The following CYS1 variants were observed in gnomAD, a reference collection of about 807,000 sequenced individuals.
The protein encoded by CYS1 is cystin 1.
In CYS1, 5 loss-of-function variants were observed where a neutral mutation model predicts 9.6. That is an observed-to-expected ratio of 0.52 (90% CI 0.27 to 1.10). CYS1 has a LOEUF of 1.10. Among genes scored for constraint, CYS1 ranks in the 50% least tolerant of loss-of-function variants. CYS1 has a pLI of 0.11. For synonymous variants in CYS1, 88 were observed against 95.7 expected, an observed-to-expected ratio of 0.92 and a Z score of 0.47; for missense variants, 221 against 207.9, an observed-to-expected ratio of 1.06 and a Z score of -0.39.
rs890520087 is a variant in CYS1, at chr2:10,058,566, G to C, written c.*287C>G. On this transcript the variant is annotated 3_prime_UTR_variant, in exon 3 of 3. Transcript: ENST00000381813. ...CAACCAAGAGGGGCACGCATTTCAG[G>C]CTCCAGAAGAACTGGGCAGGCTCCC... 2.9e-6 allele frequency: 1 copy of C among 345,218 alleles called. No individual in the cohort carries two copies. Among genetic ancestry groups the C allele is most frequent in the Non-Finnish European group, 5.3e-6 (1 of 187,260 alleles). 21.4% of individuals were successfully genotyped at this position (345,218 alleles called of 1,614,324 possible). A position where few individuals can be genotyped will look rare whatever the true frequency, so the allele number is the denominator to read the frequency against.
intron 2 of CYS1, among the ~76,000 whole-genome samples, chr2:10,061,637 T>C (rs1308381709): frequency 1.3e-5 from 2 of 152,188 alleles, no homozygotes; most frequent in African/African-American, 4.8e-5. Context: ...AGGTGGAATC[T>C]TGGGGAGAAA....
At chr2:10,066,080 C>CTGAGA (rs1661691243) in intron 1 of CYS1, 124 bp from the exon 2 acceptor site, 1 of 1,075,752 alleles carries the variant, frequency 9.3e-7, no homozygotes, top group African/African-American at 1.6e-5. Flanking sequence ...AGCCTCGGAG[C>CTGAGA]GGAAAGGCTC....
intron 1 of CYS1, among the ~76,000 whole-genome samples, chr2:10,066,281 C>T (rs1421367059): frequency 2.0e-5 from 3 of 152,182 alleles, no homozygotes; most frequent in Admixed American, 6.5e-5. Context: ...CCACCTAGCA[C>T]GAGGGCACCC....
At chr2:10,073,380 G>C (rs1661801183) in intron 1 of CYS1, among the ~76,000 whole-genome samples, 1 of 152,176 alleles carries the variant, frequency 6.6e-6, no homozygotes, top group Non-Finnish European at 1.5e-5. Flanking sequence ...ACAGGGTGTG[G>C]ATTGCGGTTG....
At chr2:10,070,145 G>A (rs1661746143) in intron 1 of CYS1, among the ~76,000 whole-genome samples, 1 of 152,116 alleles carries the variant, frequency 6.6e-6, no homozygotes, top group Non-Finnish European at 1.5e-5. Flanking sequence ...AGGAGGGGGA[G>A]GGCAAGGGTA....
chr2:10,078,208 T>C (rs1273850996), intron 1 of CYS1, among the ~76,000 whole-genome samples: 1 of 151,912 alleles, frequency 6.6e-6, no homozygotes, highest in Non-Finnish European at 1.5e-5. Flanking sequence ...AACCATCTCC[T>C]CTGCAAGCCT....
At chr2:10,074,004 A>C (rs1661811138) in intron 1 of CYS1, among the ~76,000 whole-genome samples, 1 of 152,148 alleles carries the variant, frequency 6.6e-6, no homozygotes, top group Non-Finnish European at 1.5e-5. Flanking sequence ...GGCTTCTAAC[A>C]TCTTTTAATC....
chr2:10,066,474 ACTGAAGTG>A (rs911284775), intron 1 of CYS1, among the ~76,000 whole-genome samples: 10 of 151,956 alleles, frequency 6.6e-5, no homozygotes, highest in Non-Finnish European at 1.2e-4. Context: ...TCCCTCCCCC[ACTGAAGTG>A]CTTTCTCTTC....
intron 1 of CYS1, among the ~76,000 whole-genome samples, chr2:10,071,949 TA>T (rs1661773716): frequency 6.6e-6 from 1 of 152,154 alleles, no homozygotes; most frequent in Non-Finnish European, 1.5e-5. Flanking sequence ...CTTGAGATTC[TA>T]GGGGGGCTTT....
rs1456996163 is a variant in CYS1, at chr2:10,076,018, C to T, written c.318+3888G>A. Among the ~76,000 whole-genome samples the T allele has an allele frequency of 3.9e-5, 6 of 152,108 alleles. No homozygotes were observed. On this transcript the variant is annotated intron_variant, in intron 1 of 2. Transcript: ENST00000381813. The surrounding 1 kb of genome is among the most constrained non-coding windows in gnomAD (Gnocchi z 4.3). ...CCTGACTAATATAGTGAAACCCCAT[C>T]TCTACTAAAAATACAAAAAAATTAG...
In CYS1 at chr2:10,057,623, C is replaced by T. The variant is rs958859239; in HGVS notation, c.*1230G>A. 3.3e-5 allele frequency: 5 copies of T among 152,478 alleles called. No homozygotes were observed. Among genetic ancestry groups the T allele is most frequent in the African/African-American group, 7.2e-5 (3 of 41,430 alleles). 9.4% of individuals were successfully genotyped at this position (152,478 alleles called of 1,614,324 possible). A position where few individuals can be genotyped will look rare whatever the true frequency, so the allele number is the denominator to read the frequency against. ...AGAAGCCGCGCTGTTTCCTCCTTCC[C>T]CCTCTATCTCCTTCTTTCCCTTCTG... On this transcript the variant is annotated 3_prime_UTR_variant, in exon 3 of 3. Transcript: ENST00000381813.
chr2:10,078,045 G>C (rs749207463), intron 1 of CYS1, among the ~76,000 whole-genome samples: 64 of 151,894 alleles, frequency 4.2e-4, no homozygotes, highest in Non-Finnish European at 1.8e-4. Flanking sequence ...GGCACAGGTT[G>C]CAGTGAGCCG....
chr2:10,059,727 T>C (rs1415629812), intron 2 of CYS1, among the ~76,000 whole-genome samples: 1 of 152,212 alleles, frequency 6.6e-6, no homozygotes, highest in Non-Finnish European at 1.5e-5. Context: ...AGGGAATTAC[T>C]GTCATGTTGG....
chr2:10,075,109 A>T (rs948578761), intron 1 of CYS1, among the ~76,000 whole-genome samples: 15 of 87,938 alleles, frequency 1.7e-4, no homozygotes, highest in Non-Finnish European at 2.4e-4. Flanking sequence ...GTGAGACTCC[A>T]TCTCAAAAAA....
chr2:10,070,997 C>T (rs940410768), intron 1 of CYS1, among the ~76,000 whole-genome samples: 1 of 150,056 alleles, frequency 6.7e-6, no homozygotes, highest in African/African-American at 2.5e-5. Flanking sequence ...GACGGAGTCT[C>T]GCTCTGTCAT....
intron 1 of CYS1, among the ~76,000 whole-genome samples, chr2:10,071,328 C>T (rs1014555737): frequency 6.6e-6 from 1 of 152,180 alleles, no homozygotes; most frequent in African/African-American, 2.4e-5. Flanking sequence ...TCAGGGTGGA[C>T]ACTGAGCTGC....
chr2:10,070,888 C>T (rs1223397035), intron 1 of CYS1, among the ~76,000 whole-genome samples: 1 of 152,196 alleles, frequency 6.6e-6, no homozygotes, highest in East Asian at 1.9e-4. Flanking sequence ...AAGCGATCCC[C>T]CCACCTCGGC....
At chr2:10,062,286 A>G (rs993875414) in intron 2 of CYS1, among the ~76,000 whole-genome samples, 1 of 152,232 alleles carries the variant, frequency 6.6e-6, no homozygotes, top group African/African-American at 2.4e-5. Flanking sequence ...AAAAGAAACC[A>G]ATACGCTTCT....
Position 10,080,327 on chromosome 2 carries a change from G to A in CYS1, c.-104C>T. 1 of 730,748 alleles carries A rather than the reference G, an allele frequency of 1.4e-6. No homozygotes were observed. Among genetic ancestry groups the A allele is most frequent in the Non-Finnish European group, 1.7e-6 (1 of 595,368 alleles). 45.3% of individuals were successfully genotyped at this position (730,748 alleles called of 1,614,324 possible). A position where few individuals can be genotyped will look rare whatever the true frequency, so the allele number is the denominator to read the frequency against. On this transcript the variant is annotated 5_prime_UTR_variant, in exon 1 of 3. Transcript: ENST00000381813. The surrounding 1 kb of genome is among the most constrained non-coding windows in gnomAD (Gnocchi z 6.4). ...CGGCCGGGGCGGGCTGCAGGGGGAG[G>A]CGCGGGGCGAGGTCCGGGAAGCGAC...
Sources: allele counts gnomAD v4.1 joint callset (sites outside exome capture counted in the v4.1 genomes callset), GRCh38; gene constraint gnomAD v4.1.1; non-coding constraint Gnocchi (gnomAD v3.1); transcripts MANE v1.5; gene names NCBI Gene and HGNC (gene_info 2026-07-23, HGNC 2026-07-21).